The following USP6 variants were observed in gnomAD, a reference collection of about 807,000 sequenced individuals.
The protein encoded by USP6 is ubiquitin carboxyl-terminal hydrolase 6.
USP6 carries 128 observed loss-of-function variants against 175.7 expected under a neutral mutation model. The observed-to-expected ratio is 0.73, with a 90% CI of 0.63 to 0.84. The LOEUF (loss-of-function observed/expected upper bound fraction) is 0.84, where lower values mean the gene tolerates loss of function less well. USP6 is among the 40% of genes least tolerant of loss of function. The pLI is 0.00. For missense variants in USP6, 1,498 were observed against 1,760.3 expected (o/e 0.85, Z 2.67); for synonymous variants, 562 against 630.6 (o/e 0.89, Z 1.63).
chr17:5,148,687 A>G lies in USP6; in HGVS notation c.2563A>G (p.Asn855Asp), dbSNP rs1225625509. The part of the protein sequence containing the change: ...VPCGTEKNFT[N>D]GMVNGHMPSL... ...ATGTGGAACTGAGAAGAACTTCACA[A>G]ATGGAATGGTTAATGGTCACATGCC... The change falls in exon 30 of 38, where the codon AAT becomes GAT. Residue 855 changes from asparagine (N) to aspartate (D), a missense_variant. Transcript: ENST00000574788. The G allele has an allele frequency of 8.1e-6, 13 of 1,613,810 alleles. No homozygotes were observed. Among genetic ancestry groups the G allele is most frequent in the Non-Finnish European group, 1.0e-5 (12 of 1,179,866 alleles).
chr17:5,134,082 C>T, intron 15 of USP6, 86 bp downstream of exon 15: 1 of 1,419,202 alleles, frequency 7.0e-7, no homozygotes, highest in Non-Finnish European at 9.9e-7. Context: ...GCCAGGGTCA[C>T]CCAGGAGGGA....
At position 5,155,335 on chromosome 17, in the gene USP6, A is replaced by G. The variant is rs1237828835; in HGVS notation, c.2644-87A>G. The G allele has an allele frequency of 3.5e-6, 5 of 1,424,264 alleles. No individual in the cohort carries two copies. In the African/African-American group the frequency reaches 4.3e-5, roughly 12 times the overall value. 88.2% of individuals were successfully genotyped at this position (1,424,264 alleles called of 1,614,324 possible). ...TAGTGACTAATTTGAAATGGTGATA[A>G]TGCCTATCATTGGCAGAGTTAGAAG... On this transcript the variant is annotated intron_variant, in intron 30 of 37. Coordinates refer to ENST00000574788, the MANE Select transcript of USP6 (RefSeq NM_001304284.2).
intron 11 of USP6, among the ~76,000 whole-genome samples, chr17:5,131,051 C>T (rs1361632026): frequency 6.6e-6 from 1 of 152,228 alleles, no homozygotes; most frequent in African/African-American, 2.4e-5. Context: ...GGTGAGGAGA[C>T]ACCTGGCCCA....
In USP6 at chr17:5,170,673, G is replaced by A. The variant is rs1270785093; in HGVS notation, c.3712G>A (p.Glu1238Lys). The A allele has an allele frequency of 3.1e-6, 5 of 1,613,842 alleles. No homozygotes were observed. The highest frequency in any genetic ancestry group is 4.2e-6 in the Non-Finnish European group (5 of 1,179,880). ...AGAGAATGGGGCTGGGCAGATCTGT[G>A]AGCTGGCTGACGCCTTGAGCCGAGG... ...SKENGAGQIC[E>K]LADALSRGHM... Residue 1238 changes from glutamate to lysine, a missense_variant, in exon 36 of 38, where the codon GAG becomes AAG. Glu to Lys is a moderately conservative substitution (Grantham distance 56). This residue lies in a region of USP6 where 1,217 missense variants were observed against 1,500.8 expected (regional missense o/e 0.81). Coordinates refer to ENST00000574788, the MANE Select transcript of USP6 (RefSeq NM_001304284.2).
rs1477604171 is a variant in USP6, at chr17:5,135,834, C to T, written c.570C>T (p.Ser190=). The change falls in exon 17 of 38, where the codon AGC becomes AGT. Residue 190 remains serine (S), a synonymous_variant. Coordinates refer to ENST00000574788, the MANE Select transcript of USP6 (RefSeq NM_001304284.2). ...NPEVGYCRDL[S]HITALFLLYL... is the part of the protein sequence containing the mutation. ...AGGTGGGCTACTGCAGGGACCTGAG[C>T]CACATCACCGCCTTGTTCCTCCTTT... The T allele has an allele frequency of 4.3e-5, 68 of 1,598,696 alleles. No individual in the cohort carries two copies. The highest frequency in any genetic ancestry group is 5.7e-5 in the Non-Finnish European group (67 of 1,179,776).
At chr17:5,160,689 C>T (rs1220788576) in intron 31 of USP6, among the ~76,000 whole-genome samples, 5 of 152,170 alleles carry the variant, frequency 3.3e-5, no homozygotes, top group South Asian at 2.1e-4. Flanking sequence ...AATAAACACA[C>T]GTGTGCATGT....
At chr17:5,170,397 G>A (rs1298740600) in intron 35 of USP6, 82 bp from the exon 36 acceptor site, 4 of 1,534,530 alleles carry the variant, frequency 2.6e-6, no homozygotes, top group Non-Finnish European at 3.5e-6. Flanking sequence ...CAGTTGCAAA[G>A]CTAACCTCGG....
At chr17:5,121,235 G>A in intron 3 of USP6, 140 bp from the exon 4 acceptor site, 1 of 383,794 alleles carries the variant, frequency 2.6e-6, no homozygotes, top group Non-Finnish European at 5.2e-6. Flanking sequence ...GTCCAACGTG[G>A]GTGCAGAGGG....
At chr17:5,159,799 C>T (rs1346745711) in intron 31 of USP6, among the ~76,000 whole-genome samples, 1 of 151,748 alleles carries the variant, frequency 6.6e-6, no homozygotes, top group Non-Finnish European at 1.5e-5. Context: ...GCTGTCTTTA[C>T]AAAAAATGTA....
chr17:5,161,472 G>C (rs1229916977), intron 31 of USP6, 56 bp from the exon 32 acceptor site: 1 of 1,574,912 alleles, frequency 6.3e-7, no homozygotes, highest in East Asian at 2.2e-5. Context: ...ATGAAAAGGA[G>C]TTGGACCTCG....
At chr17:5,161,642 T>C (rs760740416) in intron 32 of USP6, 28 bp downstream of exon 32, 8 of 1,608,204 alleles carry the variant, frequency 5.0e-6, no homozygotes, top group South Asian at 2.2e-5. Context: ...AGAATTACTT[T>C]AGTAGAATTT....
rs372541359 is a variant in USP6 at position 5,141,418 on chromosome 17, C to A, written c.1499-7C>A. ...AGAAATTAACACATTCCTATCTGTCCTTCCAGTTCACAACAAAGATATGAG... is the reference window on the plus strand; with the variant it reads ...AGAAATTAACACATTCCTATCTGTCATTCCAGTTCACAACAAAGATATGAG... On this transcript the variant is annotated splice_region_variant and splice_polypyrimidine_tract_variant and intron_variant, in intron 22 of 37. Coordinates refer to ENST00000574788, the MANE Select transcript of USP6 (RefSeq NM_001304284.2). 4 of 1,601,754 alleles carry A rather than the reference C, an allele frequency of 2.5e-6. No homozygotes were observed. In the African/African-American group the frequency reaches 4.0e-5, roughly 16 times the overall value.
Position 5,170,617 on chromosome 17 carries a change from C to T in USP6, c.3656C>T (p.Ser1219Leu), listed in dbSNP as rs2074193668. The change falls in exon 36 of 38, where the codon TCA becomes TTA. Residue 1219 changes from serine to leucine, a missense_variant. Ser to Leu is a moderately radical substitution (Grantham distance 145). This residue lies in a region of USP6 where 1,217 missense variants were observed against 1,500.8 expected (regional missense o/e 0.81). Transcript: ENST00000574788. ...CAGATTGGCAGCAAAAATAAGCCGT[C>T]AAGTAGTAAGAAGAACTTGGATGCC... ...LPQIGSKNKPSSSKKNLDASK... is the reference protein window; with the variant it reads ...LPQIGSKNKPLSSKKNLDASK... 1 of 1,613,420 alleles carries T rather than the reference C, an allele frequency of 6.2e-7. No individual in the cohort carries two copies. The highest frequency in any genetic ancestry group is 1.7e-5 in the Admixed American group (1 of 60,000).
rs143790853 is a variant in USP6, at chr17:5,162,040, G to A, written c.2915+426G>A. The stretch of plus-strand genomic sequence containing the variant: ...AAAAAGTTTTTCACTTCCTTTTGAG[G>A]TCAATAGATAAGTTTTGCTTTTGAG... On this transcript the variant is annotated intron_variant, in intron 32 of 37. Transcript: ENST00000574788. Among the ~76,000 whole-genome samples, 70 of 152,314 alleles carry A rather than the reference G, an allele frequency of 4.6e-4. 1 individual carries two copies. In the East Asian group the frequency reaches 0.013, roughly 29 times the overall value.
intron 33 of USP6, 124 bp from the exon 34 acceptor site, chr17:5,167,808 G>A: frequency 1.7e-6 from 2 of 1,200,176 alleles, no homozygotes; most frequent in Non-Finnish European, 2.3e-6. Context: ...CCAGCCAGTT[G>A]TATTTTCTTT....
Position 5,132,426 on chromosome 17 carries a change from G to C in USP6, c.186G>C (p.Arg62=), listed in dbSNP as rs145160344. ...HETELPPVTA[R]EAKKIRREMT... ...CGGAGCTGCCTCCTGTGACTGCACG[G>C]GAGGCGAAGGTAAGAGCCTGATGCG... Residue 62 remains arginine (R), a synonymous_variant, in exon 12 of 38, where the codon CGG becomes CGC. Transcript: ENST00000574788. The surrounding 1 kb of genome is among the most constrained non-coding windows in gnomAD (Gnocchi z 4.7). 3.0e-3 allele frequency: 4,876 copies of C among 1,612,152 alleles called. 155 individuals carry two copies. The South Asian group carries it at 0.051, about 17-fold the overall frequency.
At chr17:5,140,361 A>G (rs1420523961) in intron 22 of USP6, among the ~76,000 whole-genome samples, 2 of 152,142 alleles carry the variant, frequency 1.3e-5, no homozygotes, top group Non-Finnish European at 1.5e-5. Context: ...ACTTGAGTCT[A>G]GAAGTCTGAG....
chr17:5,139,657 C>T lies in USP6; in HGVS notation c.1481C>T (p.Ala494Val). Reference sequence around the variant, plus strand: ...GACCAGCTGGCCACCTGCTGGCAGGCTGAACACTGCGGAGAGGGTGAGGTT... The same window carrying T: ...GACCAGCTGGCCACCTGCTGGCAGGTTGAACACTGCGGAGAGGGTGAGGTT... The part of the protein sequence containing the change: ...QEDQLATCWQ[A>V]EHCGEVHNKD... Residue 494 changes from alanine (A) to valine (V), a missense_variant, in exon 22 of 38, where the codon GCT becomes GTT. Ala to Val is a moderately conservative substitution (Grantham distance 64). This residue lies in a region of USP6 where 1,217 missense variants were observed against 1,500.8 expected (regional missense o/e 0.81). Transcript: ENST00000574788. The T allele has an allele frequency of 6.2e-7, 1 of 1,610,316 alleles. No homozygotes were observed. The highest frequency in any genetic ancestry group is 8.5e-7 in the Non-Finnish European group (1 of 1,180,014).
intron 2 of USP6, among the ~76,000 whole-genome samples, chr17:5,120,283 A>G (rs2072623689): frequency 6.6e-6 from 1 of 151,126 alleles, no homozygotes; most frequent in Admixed American, 6.6e-5. Context: ...GGGGCAAGGC[A>G]GTGGTGGGGG....
Sources: gnomAD v4.1 joint callset for allele counts (sites outside exome capture counted in the v4.1 genomes callset) on GRCh38, gnomAD v4.1.1 for gene constraint, gnomAD v4.1.1 regional missense constraint, Gnocchi (gnomAD v3.1) non-coding constraint, MANE v1.5 for transcripts, NCBI Gene and HGNC (gene_info 2026-07-23, HGNC 2026-07-21) for gene names.